Variants in HIP1 observed in about 807,000 individuals in gnomAD.
HIP1 encodes the protein huntingtin-interacting protein 1.
Under a neutral mutation model 147.6 loss-of-function variants are expected in HIP1, and 65 were observed. The observed-to-expected ratio is 0.44, with a 90% CI of 0.36 to 0.54. The LOEUF is 0.54. Among genes scored for constraint, HIP1 ranks in the 20% least tolerant of loss-of-function variants. The probability of loss-of-function intolerance (pLI) is 0.00; values close to 1 mark genes in which losing one functional copy is unlikely to be tolerated. For synonymous variants in HIP1, 479 were observed against 504.0 expected (o/e 0.95, Z 0.67); for missense variants, 1,061 against 1,299.6 (o/e 0.82, Z 2.82).
chr7:75,630,155 C>A (rs1798166220), intron 1 of HIP1, among the ~76,000 whole-genome samples: 1 of 151,402 alleles, frequency 6.6e-6, no homozygotes, highest in Admixed American at 6.6e-5. Context: ...TAGAGTGAGA[C>A]CTTCTCTCTG....
intron 1 of HIP1, among the ~76,000 whole-genome samples, chr7:75,612,784 G>A (rs1158561027): frequency 1.3e-5 from 2 of 151,870 alleles, no homozygotes; most frequent in Non-Finnish European, 2.9e-5. Context: ...ACTCCAGCCT[G>A]GGCAACAAGA....
At position 75,683,483 on chromosome 7, in the gene HIP1, CGT is replaced by C. The variant is rs375801256; in HGVS notation, c.120+55316_120+55317del. On this transcript the variant is annotated intron_variant, in intron 1 of 30. Transcript: ENST00000336926. ...AGCAGGGCGTGTGCATGTATGTGGACGTGTGTGTGTGTACCTGTGTGTGCAGA... is the reference window on the plus strand; with the variant it reads ...AGCAGGGCGTGTGCATGTATGTGGACGTGTGTGTGTACCTGTGTGTGCAGA... Among the ~76,000 whole-genome samples the C allele has an allele frequency of 2.0e-3, 308 of 152,044 alleles. 1 individual carries two copies. The highest frequency in any genetic ancestry group is 5.5e-3 in the African/African-American group (230 of 41,472).
chr7:75,586,372 T>C (rs891656681), intron 5 of HIP1, among the ~76,000 whole-genome samples: 4 of 152,020 alleles, frequency 2.6e-5, no homozygotes, highest in Non-Finnish European at 5.9e-5. Context: ...TGGGTAATTT[T>C]TGTAATTTTA....
At chr7:75,731,381 G>A (rs1554523003) in intron 1 of HIP1, among the ~76,000 whole-genome samples, 2 of 150,724 alleles carry the variant, frequency 1.3e-5, no homozygotes, top group Non-Finnish European at 2.9e-5. Context: ...TACTCCTGAA[G>A]CTGAGGTGAG....
intron 1 of HIP1, among the ~76,000 whole-genome samples, chr7:75,737,078 C>G (rs1667278442): frequency 6.6e-6 from 1 of 152,008 alleles, no homozygotes; most frequent in Non-Finnish European, 1.5e-5. Context: ...TATGCCACCA[C>G]ACGAGGATAA....
At chr7:75,725,272 C>T (rs572377060) in intron 1 of HIP1, among the ~76,000 whole-genome samples, 38 of 152,230 alleles carry the variant, frequency 2.5e-4, no homozygotes, top group Non-Finnish European at 3.8e-4. Flanking sequence ...GTGATCCTCT[C>T]GCCTCAGCCA....
chr7:75,571,932 G>A (rs587634723), intron 8 of HIP1, among the ~76,000 whole-genome samples: 44 of 152,266 alleles, frequency 2.9e-4, no homozygotes, highest in African/African-American at 3.1e-4. Flanking sequence ...AAGAACTGGC[G>A]GGTGTGGTGG....
intron 29 of HIP1, 89 bp downstream of exon 29, chr7:75,541,830 T>C: frequency 2.0e-6 from 2 of 999,232 alleles, no homozygotes; most frequent in Admixed American, 1.7e-5. Context: ...CCTGTGTTCA[T>C]TTCCCTCTGG....
intron 1 of HIP1, among the ~76,000 whole-genome samples, chr7:75,649,443 C>G (rs1044592163): frequency 2.6e-5 from 4 of 152,190 alleles, no homozygotes; most frequent in Non-Finnish European, 4.4e-5. Flanking sequence ...ATTTTCCAAG[C>G]ACCCACTATG....
At chr7:75,596,235 C>CAAA (rs10658504) in intron 2 of HIP1, among the ~76,000 whole-genome samples, 8,806 of 58,914 alleles carry the variant, frequency 0.15, 1,042 homozygotes, top group African/African-American at 0.28. Flanking sequence ...GACCCTGCCT[C>CAAA]AAAAAAAAAA....
intron 1 of HIP1, chr7:75,627,040 T>C (rs1382955059): frequency 3.3e-5 from 5 of 152,226 alleles, no homozygotes; most frequent in Non-Finnish European, 7.3e-5. Flanking sequence ...AACATTTCTG[T>C]GGATTACCTG....
At chr7:75,709,117 T>TA (rs1801088415) in intron 1 of HIP1, among the ~76,000 whole-genome samples, 1 of 150,578 alleles carries the variant, frequency 6.6e-6, no homozygotes, top group Non-Finnish European at 1.5e-5. Context: ...TTCTTTTTTT[T>TA]TTTTTTTTAC....
intron 1 of HIP1, among the ~76,000 whole-genome samples, chr7:75,601,766 C>T (rs1554502991): frequency 6.6e-6 from 1 of 152,110 alleles, no homozygotes; most frequent in Non-Finnish European, 1.5e-5. Context: ...GACCATGCGG[C>T]CTGCAAAGCC....
intron 1 of HIP1, among the ~76,000 whole-genome samples, chr7:75,669,648 C>T (rs1344691988): frequency 6.6e-6 from 1 of 152,144 alleles, no homozygotes; most frequent in African/African-American, 2.4e-5. Flanking sequence ...CCGGCAAGTG[C>T]TAATCTACTT....
chr7:75,608,065 G>A (rs1554504161), intron 1 of HIP1, among the ~76,000 whole-genome samples: 1 of 152,198 alleles, frequency 6.6e-6, no homozygotes, highest in Non-Finnish European at 1.5e-5. Flanking sequence ...CTAGCACTTT[G>A]GGAGGCTGAG....
intron 1 of HIP1, among the ~76,000 whole-genome samples, chr7:75,646,927 G>A (rs1443980729): frequency 2.6e-5 from 4 of 152,066 alleles, no homozygotes; most frequent in African/African-American, 4.8e-5. Flanking sequence ...TGGAGAGGGC[G>A]GCAGATCCCA....
At chr7:75,554,320 A>G in intron 20 of HIP1, 100 bp from the exon 21 acceptor site, 5 of 1,277,212 alleles carry the variant, frequency 3.9e-6, no homozygotes, top group Non-Finnish European at 5.6e-6. Context: ...CCTTTCTTGT[A>G]TGAGTTGCCT....
chr7:75,647,009 G>A (rs1798820694), intron 1 of HIP1, among the ~76,000 whole-genome samples: 1 of 151,890 alleles, frequency 6.6e-6, no homozygotes, highest in Admixed American at 6.6e-5. Flanking sequence ...AAGGGCCAGG[G>A]CCTCCTAAGA....
chr7:75,615,065 G>A (rs34179550), intron 1 of HIP1, among the ~76,000 whole-genome samples: 15,758 of 151,092 alleles, frequency 0.1, 982 homozygotes, highest in Admixed American at 0.19. Flanking sequence ...GAGCCACCAC[G>A]CTGGCCTGAG....
Sources: allele counts gnomAD v4.1 joint callset (sites outside exome capture counted in the v4.1 genomes callset), GRCh38; gene constraint gnomAD v4.1.1; transcripts MANE v1.5; gene names NCBI Gene and HGNC (gene_info 2026-07-23, HGNC 2026-07-21).